PP2D1: variants seen among roughly 807,000 people sequenced by gnomAD.
The protein encoded by PP2D1 is protein phosphatase 2C-like domain-containing protein 1.
In PP2D1, 25 loss-of-function variants were observed where a neutral mutation model predicts 30.2. The ratio of observed to expected loss-of-function variants is 0.83; its 90% CI spans 0.60 to 1.16. PP2D1 has a LOEUF of 1.16. PP2D1 is among the 50% of genes most tolerant of loss of function. The pLI, the probability that PP2D1 is intolerant of heterozygous loss-of-function variation, is 0.00. For missense variants in PP2D1, 760 were observed against 742.4 expected (o/e 1.02, Z -0.28); for synonymous variants, 260 against 258.9 (o/e 1.00, Z -0.04).
chr3:19,986,172 T>G lies in PP2D1; in HGVS notation c.1101A>C (p.Gln367His). The G allele has an allele frequency of 6.7e-7, 1 of 1,487,088 alleles. No individual in the cohort carries two copies. The highest frequency in any genetic ancestry group is 8.9e-7 in the Non-Finnish European group (1 of 1,125,900). 92.1% of individuals were successfully genotyped at this position (1,487,088 alleles called of 1,614,324 possible). ...ILHVANTGNVQAVLCRNGKGF... is the reference protein window; with the variant it reads ...ILHVANTGNVHAVLCRNGKGF... ...CTTTCCCATTTCTGCATAAGACTGC[T>G]TGCACATTACCTAAAAGATTATTTT... Residue 367 changes from glutamine (Q) to histidine (H), a missense_variant, in exon 3 of 3, where the codon CAA becomes CAC. Transcript: ENST00000389050.
intron 2 of PP2D1, among the ~76,000 whole-genome samples, chr3:19,987,514 T>G (rs995876410): frequency 1.3e-4 from 20 of 152,158 alleles, no homozygotes; most frequent in Non-Finnish European, 8.8e-5. Flanking sequence ...TTACATAGAA[T>G]ATTCTGGTTT....
At chr3:19,998,237 G>A (rs1697206855) in intron 2 of PP2D1, among the ~76,000 whole-genome samples, 1 of 152,078 alleles carries the variant, frequency 6.6e-6, no homozygotes, top group South Asian at 2.1e-4. Context: ...GGCTGAGGCA[G>A]GAGAATGGCT....
intron 1 of PP2D1, among the ~76,000 whole-genome samples, chr3:20,003,226 C>G (rs1697277368): frequency 6.6e-6 from 1 of 151,816 alleles, no homozygotes; most frequent in African/African-American, 2.4e-5. Context: ...CAACCTCAGA[C>G]AGGCCCTCCA....
intron 2 of PP2D1, among the ~76,000 whole-genome samples, chr3:19,987,767 T>A (rs7633940): frequency 6.6e-6 from 1 of 151,966 alleles, no homozygotes; most frequent in Admixed American, 6.6e-5. Context: ...AAAAAATTAG[T>A]CGGGCGTTGT....
Position 19,985,739 on chromosome 3 carries a change from G to A in PP2D1, c.1534C>T (p.His512Tyr), listed in dbSNP as rs1229868257. The A allele has an allele frequency of 1.3e-6, 2 of 1,535,876 alleles. No individual in the cohort carries two copies. Among genetic ancestry groups the A allele is most frequent in the Non-Finnish European group, 1.7e-6 (2 of 1,146,714 alleles). The change falls in exon 3 of 3, where the codon CAC (histidine) becomes TAC (tyrosine). Residue 512 changes from histidine (H) to tyrosine (Y), a missense_variant. Around this residue, in one of 3 missense-constraint regions of PP2D1, gnomAD observed 369 missense variants for 316.2 expected, o/e 1.17. Coordinates refer to ENST00000389050, the MANE Select transcript of PP2D1 (RefSeq NM_001252657.2). Reference protein sequence around the residue: ...PNLTKSQSNIHVLFQYKSVSE... With the variant: ...PNLTKSQSNIYVLFQYKSVSE... ...ACAGATTTATACTGAAACAATACGT[G>A]GATATTACTCTGTGATTTAGTAAGG...
intron 1 of PP2D1, among the ~76,000 whole-genome samples, chr3:20,008,933 G>A (rs112657107): frequency 1.3e-5 from 2 of 152,272 alleles, no homozygotes; most frequent in African/African-American, 4.8e-5. Context: ...TCTGCCCTAA[G>A]TGAAAAGGAC....
At chr3:20,009,975 G>A (rs768111737) in intron 1 of PP2D1, among the ~76,000 whole-genome samples, 1 of 151,630 alleles carries the variant, frequency 6.6e-6, no homozygotes, top group Non-Finnish European at 1.5e-5. Flanking sequence ...CTTTTTTAAT[G>A]GAAAATTTAA....
chr3:19,997,540 A>G (rs1467825080), intron 2 of PP2D1, among the ~76,000 whole-genome samples: 1 of 152,148 alleles, frequency 6.6e-6, no homozygotes. Flanking sequence ...TAGCCAATGG[A>G]TATCAAGGAG....
intron 2 of PP2D1, among the ~76,000 whole-genome samples, chr3:20,000,203 T>C (rs1324743849): frequency 6.6e-6 from 1 of 152,182 alleles, no homozygotes; most frequent in Non-Finnish European, 1.5e-5. Context: ...TTATCTCACA[T>C]TTTTTAGCTT....
chr3:20,007,441 C>A (rs1456690958), intron 1 of PP2D1, among the ~76,000 whole-genome samples: 1 of 151,666 alleles, frequency 6.6e-6, no homozygotes, highest in Admixed American at 6.6e-5. Flanking sequence ...AAGCATGTAA[C>A]TTTACGTAAC....
chr3:20,012,232 C>A lies in PP2D1; in HGVS notation c.-160G>T. 1 of 629,966 alleles carries A rather than the reference C, an allele frequency of 1.6e-6. No individual in the cohort carries two copies. The highest frequency in any genetic ancestry group is 2.0e-5 in the South Asian group (1 of 50,828). 39.0% of individuals were successfully genotyped at this position (629,966 alleles called of 1,614,324 possible). Reference sequence around the variant, plus strand: ...TGATGATAGCGATGGTGGGCATTCCCCTCACTTGATGGTAGAGCTCCCTGT... The same window carrying A: ...TGATGATAGCGATGGTGGGCATTCCACTCACTTGATGGTAGAGCTCCCTGT... On this transcript the variant is annotated 5_prime_UTR_variant, in exon 1 of 3. Transcript: ENST00000389050.
chr3:20,001,981 T>G lies in PP2D1; in HGVS notation c.139A>C (p.Arg47=), dbSNP rs1445775968. 3 of 1,536,236 alleles carry G rather than the reference T, an allele frequency of 2.0e-6. No individual in the cohort carries two copies. The South Asian group carries it at 3.6e-5, about 18-fold the overall frequency. Residue 47 remains arginine (R), a synonymous_variant, in exon 2 of 3, where the codon AGA becomes CGA. Coordinates refer to ENST00000389050, the MANE Select transcript of PP2D1 (RefSeq NM_001252657.2). ...TCCTCTTCATGGCGTTTGGTGTGTCTCACTGGTCTTGACTTTTTCTTTCTA... is the reference window on the plus strand; with the variant it reads ...TCCTCTTCATGGCGTTTGGTGTGTCGCACTGGTCTTGACTTTTTCTTTCTA... The part of the protein sequence containing the change: ...RFRKKKSRPV[R]HTKRHEEEQV...
Position 20,001,364 on chromosome 3 carries a change from G to A in PP2D1, c.756C>T (p.Tyr252=). The A allele has an allele frequency of 6.5e-7, 1 of 1,536,388 alleles. No homozygotes were observed. The highest frequency in any genetic ancestry group is 8.7e-7 in the Non-Finnish European group (1 of 1,146,904). The part of the protein sequence containing the change: ...TDEQQIINSF[Y]TVFREEYAAI... ...CTGCGTATTCTTCTCTAAACACAGT[G>A]TAAAAGGAATTGATTATTTGTTGCT... The change falls in exon 2 of 3, where the codon TAC becomes TAT. Residue 252 remains tyrosine (Y), a synonymous_variant. Coordinates refer to ENST00000389050, the MANE Select transcript of PP2D1 (RefSeq NM_001252657.2).
chr3:19,998,714 A>C (rs1697213653), intron 2 of PP2D1, among the ~76,000 whole-genome samples: 1 of 152,088 alleles, frequency 6.6e-6, no homozygotes, highest in South Asian at 2.1e-4. Flanking sequence ...TAAGGTAATA[A>C]TTTTTTTTAA....
intron 2 of PP2D1, among the ~76,000 whole-genome samples, chr3:19,987,211 T>A (rs1697050961): frequency 6.6e-6 from 1 of 152,154 alleles, no homozygotes. Context: ...AATCTTACAG[T>A]TTAAACATGA....
chr3:19,986,163 T>G lies in PP2D1; in HGVS notation c.1110A>C (p.Leu370Phe), dbSNP rs755818970. The G allele has an allele frequency of 6.6e-7, 1 of 1,504,022 alleles. No homozygotes were observed. Among genetic ancestry groups the G allele is most frequent in the Non-Finnish European group, 8.8e-7 (1 of 1,133,482 alleles). The allele number at this position is 1,504,022 out of a possible 1,614,324, so 93.2% of individuals were successfully genotyped here. A position where few individuals can be genotyped will look rare whatever the true frequency, so the allele number is the denominator to read the frequency against. The change falls in exon 3 of 3, where the codon TTA (leucine) becomes TTC (phenylalanine). Residue 370 changes from leucine (L) to phenylalanine (F), a missense_variant. By Grantham distance (22) the Leu-to-Phe change is conservative. Transcript: ENST00000389050. Reference protein sequence around the residue: ...VANTGNVQAVLCRNGKGFCLT... With the variant: ...VANTGNVQAVFCRNGKGFCLT... ...GGCAAAAACCTTTCCCATTTCTGCA[T>G]AAGACTGCTTGCACATTACCTAAAA...
chr3:19,986,747 T>C (rs1370724654), intron 2 of PP2D1, among the ~76,000 whole-genome samples: 2 of 151,582 alleles, frequency 1.3e-5, no homozygotes, highest in African/African-American at 2.4e-5. Context: ...AAAATTTAAG[T>C]CAATCCGCCA....
At chr3:19,986,237 A>T in intron 2 of PP2D1, 55 bp from the exon 3 acceptor site, 2 of 1,252,690 alleles carry the variant, frequency 1.6e-6, no homozygotes, top group Non-Finnish European at 2.1e-6. Flanking sequence ...AACCAATTGT[A>T]TCAAAATCTA....
At chr3:19,980,010 T>A (rs545282255) in exon 4 of PP2D1, 1 of 152,248 alleles carries the variant, frequency 6.6e-6, no homozygotes, top group South Asian at 2.1e-4. Flanking sequence ...CAGAGTTTAA[T>A]GGTACTTCAT....
Sources: gnomAD v4.1 joint callset for allele counts (sites outside exome capture counted in the v4.1 genomes callset) on GRCh38, gnomAD v4.1.1 for gene constraint, gnomAD v4.1.1 regional missense constraint, MANE v1.5 for transcripts, NCBI Gene and HGNC (gene_info 2026-07-23, HGNC 2026-07-21) for gene names.